KCNQ5: variants seen among roughly 807,000 people sequenced by gnomAD.
The protein encoded by KCNQ5 is potassium voltage-gated channel subfamily Q member 5, also known as potassium voltage-gated channel subfamily KQT member 5.
Under a neutral mutation model 98.2 loss-of-function variants are expected in KCNQ5, and 30 were observed. The observed-to-expected ratio is 0.31, with a 90% CI of 0.23 to 0.41. The LOEUF (loss-of-function observed/expected upper bound fraction) is 0.41, where lower values mean the gene tolerates loss of function less well. KCNQ5 is among the 10% of genes least tolerant of loss of function. The pLI is 1.00. For missense variants in KCNQ5, 835 were observed against 1,182.5 expected (o/e 0.71, Z 4.31); for synonymous variants, 458 against 449.4 (o/e 1.02, Z -0.24).
Position 72,899,895 on chromosome 6 carries a change from G to C in KCNQ5, c.399-104013G>C, listed in dbSNP as rs370126740. ...GAGTCTCACTCTGTCACCCAGGCTGGAGTGCAGTGGCATGATCTCAGCTCA... is the reference window on the plus strand; with the variant it reads ...GAGTCTCACTCTGTCACCCAGGCTGCAGTGCAGTGGCATGATCTCAGCTCA... On this transcript the variant is annotated intron_variant, in intron 1 of 13. Transcript: ENST00000370398. 3.1e-3 allele frequency among the ~76,000 whole-genome samples: 474 copies of C among 151,770 alleles called. 1 individual carries two copies. Among genetic ancestry groups the C allele is most frequent in the African/African-American group, 0.01 (434 of 41,376 alleles).
chr6:73,008,025 A>G (rs1769891993), intron 2 of KCNQ5, among the ~76,000 whole-genome samples: 2 of 152,254 alleles, frequency 1.3e-5, no homozygotes, highest in Non-Finnish European at 2.9e-5. Flanking sequence ...TTAAACTGGT[A>G]TAAATTCAAA....
At chr6:73,094,161 C>CTCT (rs1774376871) in intron 5 of KCNQ5, among the ~76,000 whole-genome samples, 4 of 152,158 alleles carry the variant, frequency 2.6e-5, no homozygotes, top group Admixed American at 2.0e-4. Context: ...ATATAATGCC[C>CTCT]TCTTTGTCTT....
rs183616209 is a variant in KCNQ5, at chr6:72,944,119, T to C, written c.399-59789T>C. Among the ~76,000 whole-genome samples, 4 of 152,324 alleles carry C rather than the reference T, an allele frequency of 2.6e-5. No homozygotes were observed. In the South Asian group the frequency reaches 6.2e-4, roughly 24 times the overall value. On this transcript the variant is annotated intron_variant, in intron 1 of 13. Transcript: ENST00000370398. The stretch of plus-strand genomic sequence containing the variant: ...AACATATGGCTGTTATTTAATGAGA[T>C]GATATAGATAAACCACTTAGATCAT...
intron 1 of KCNQ5, among the ~76,000 whole-genome samples, chr6:72,792,985 C>A (rs1041487483): frequency 2.6e-5 from 4 of 152,168 alleles, no homozygotes; most frequent in African/African-American, 9.7e-5. Context: ...GAATTACCCA[C>A]CTCCTGGGAG....
At chr6:73,132,355 A>G (rs1412094011) in intron 9 of KCNQ5, among the ~76,000 whole-genome samples, 4 of 152,134 alleles carry the variant, frequency 2.6e-5, no homozygotes, top group Admixed American at 6.5e-5. Context: ...TGATGACAGT[A>G]TCACCTTCTA....
intron 9 of KCNQ5, among the ~76,000 whole-genome samples, chr6:73,124,912 T>A (rs1447382061): frequency 7.2e-6 from 1 of 138,776 alleles, no homozygotes; most frequent in Non-Finnish European, 1.6e-5. Flanking sequence ...ACACTCCCCT[T>A]CACTAGGGTC....
At chr6:72,770,109 G>A (rs1772784777) in intron 1 of KCNQ5, among the ~76,000 whole-genome samples, 1 of 152,104 alleles carries the variant, frequency 6.6e-6, no homozygotes, top group Non-Finnish European at 1.5e-5. Flanking sequence ...TGGGAGATAT[G>A]GTTTTAAAAT....
intron 1 of KCNQ5, among the ~76,000 whole-genome samples, chr6:72,961,648 G>A (rs1413417501): frequency 3.4e-5 from 5 of 147,076 alleles, no homozygotes; most frequent in African/African-American, 1.3e-4. Flanking sequence ...AAAAAAAGTT[G>A]GGTGGACTGG....
chr6:72,680,707 ATT>A (rs2154473791), intron 1 of KCNQ5, among the ~76,000 whole-genome samples: 1 of 152,302 alleles, frequency 6.6e-6, no homozygotes, highest in East Asian at 1.9e-4. Context: ...GTGTAAATTC[ATT>A]GTCTAGAACT....
At chr6:73,074,856 A>G (rs1445195550) in intron 3 of KCNQ5, among the ~76,000 whole-genome samples, 1 of 151,764 alleles carries the variant, frequency 6.6e-6, no homozygotes, top group Non-Finnish European at 1.5e-5. Flanking sequence ...ACTTATTTCT[A>G]GTATTTCCAA....
intron 1 of KCNQ5, among the ~76,000 whole-genome samples, chr6:72,752,033 C>A (rs1771711052): frequency 6.6e-6 from 1 of 152,026 alleles, no homozygotes. Context: ...TTTTGCTATA[C>A]TACCATACAT....
chr6:72,683,363 CTTT>C (rs142268901), intron 1 of KCNQ5, among the ~76,000 whole-genome samples: 21,818 of 112,900 alleles, frequency 0.19, 2,356 homozygotes, highest in East Asian at 0.44. Flanking sequence ...GCCACATATA[CTTT>C]TTTTTTTTTT....
intron 11 of KCNQ5, among the ~76,000 whole-genome samples, chr6:73,178,603 A>C (rs1778299896): frequency 1.3e-5 from 2 of 151,858 alleles, no homozygotes; most frequent in South Asian, 4.2e-4. Context: ...TACAGTGAGA[A>C]TATCAGACAG....
chr6:72,630,507 A>G (rs2098920219), intron 1 of KCNQ5: 1 of 152,222 alleles, frequency 6.6e-6, no homozygotes, highest in Non-Finnish European at 1.5e-5. Flanking sequence ...CAAAGAAAGG[A>G]ACGATGTGGA....
chr6:72,677,826 G>A (rs1439776898), intron 1 of KCNQ5, among the ~76,000 whole-genome samples: 1 of 152,146 alleles, frequency 6.6e-6, no homozygotes, highest in Non-Finnish European at 1.5e-5. Context: ...AGTTGAGTGA[G>A]CAGACTTGTT....
chr6:73,063,082 G>A (rs1328856089), intron 3 of KCNQ5, among the ~76,000 whole-genome samples: 2 of 152,128 alleles, frequency 1.3e-5, no homozygotes, highest in African/African-American at 4.8e-5. Flanking sequence ...TTTAGTTAAT[G>A]GGAAAATATC....
At chr6:72,815,262 T>C (rs1259792783) in intron 1 of KCNQ5, among the ~76,000 whole-genome samples, 4 of 152,180 alleles carry the variant, frequency 2.6e-5, no homozygotes, top group Non-Finnish European at 5.9e-5. Flanking sequence ...AATCACTCAC[T>C]TTTTATCCTT....
At chr6:72,936,944 C>G (rs1015673545) in intron 1 of KCNQ5, among the ~76,000 whole-genome samples, 1 of 152,148 alleles carries the variant, frequency 6.6e-6, no homozygotes, top group African/African-American at 2.4e-5. Flanking sequence ...AATTTTCTCA[C>G]ATTTTCATTT....
chr6:72,895,754 ATGTTT>A (rs1268807851), intron 1 of KCNQ5, among the ~76,000 whole-genome samples: 1 of 150,976 alleles, frequency 6.6e-6, no homozygotes, highest in East Asian at 1.9e-4. Context: ...CATTTATTTA[ATGTTT>A]ATGTATATTA....
Sources: allele counts gnomAD v4.1 joint callset (sites outside exome capture counted in the v4.1 genomes callset), GRCh38; gene constraint gnomAD v4.1.1; transcripts MANE v1.5; gene names NCBI Gene and HGNC (gene_info 2026-07-23, HGNC 2026-07-21).